The following SMIM35 variants were observed in gnomAD, a reference collection of about 807,000 sequenced individuals.
SMIM35 encodes the protein TMPRSS4 antisense RNA 1 (non-protein coding).
At chr11:118,065,477 CCTTCCGTCGCTGGCCAA>C (rs1333722954) in intron 1 of SMIM35, among the ~76,000 whole-genome samples, 2 of 152,234 alleles carry the variant, frequency 1.3e-5, no homozygotes, top group African/African-American at 4.8e-5. Context: ...AACTTTCACA[CCTTCCGTCGCTGGCCAA>C]CTTTTCTTTT....
rs555737250 is a variant in SMIM35, at chr11:118,043,724, C to T, written c.8-27915G>A. Among the ~76,000 whole-genome samples the T allele has an allele frequency of 1.7e-3, 261 of 151,264 alleles. 1 individual carries two copies. The highest frequency in any genetic ancestry group is 1.0e-3 in the Non-Finnish European group (70 of 67,820). On this transcript the variant is annotated intron_variant, in intron 1 of 4. Transcript: ENST00000689828. Reference sequence around the variant, plus strand: ...ACTCGGGAGGCTGAGGCAGGAGAATCGCTTGAACCCGGGAGGTGGAGTGAG... The same window carrying T: ...ACTCGGGAGGCTGAGGCAGGAGAATTGCTTGAACCCGGGAGGTGGAGTGAG...
Position 118,044,315 on chromosome 11 carries a change from GAAAA to G in SMIM35, c.8-28510_8-28507del, listed in dbSNP as rs34422344. ...AGTCACTGAGAAGTCTGGCAGAATT[GAAAA>G]AAAAAAAAAAAAAATGCAGCCGTGA... On this transcript the variant is annotated intron_variant, in intron 1 of 4. Coordinates refer to ENST00000689828, the MANE Select transcript of SMIM35 (RefSeq NM_001394165.1). Among the ~76,000 whole-genome samples the G allele has an allele frequency of 1.6e-3, 210 of 134,528 alleles. 1 individual carries two copies. The East Asian group carries it at 0.021, about 13-fold the overall frequency. The allele number at this position is 134,528 out of a possible 152,430, so 88.3% of individuals were successfully genotyped here. A position where few individuals can be genotyped will look rare whatever the true frequency, so the allele number is the denominator to read the frequency against.
intron 4 of SMIM35, among the ~76,000 whole-genome samples, chr11:118,011,036 AG>A (rs769191057): frequency 6.6e-6 from 1 of 152,246 alleles, no homozygotes; most frequent in Non-Finnish European, 1.5e-5. Context: ...TCCAGGGGTA[AG>A]GCCCAGGCCC....
intron 1 of SMIM35, chr11:118,059,151 G>A (rs1944359762): frequency 6.6e-6 from 1 of 152,376 alleles, no homozygotes; most frequent in African/African-American, 2.4e-5. Context: ...CAGAGTGTGT[G>A]ATTGAGAACA....
At chr11:118,084,435 C>T (rs12270246) in intron 1 of SMIM35, among the ~76,000 whole-genome samples, 2,171 of 152,312 alleles carry the variant, frequency 0.014, 42 homozygotes, top group African/African-American at 0.048. Flanking sequence ...CACTGAAGCA[C>T]TATTAAAGCA....
At chr11:118,077,382 C>G in intron 1 of SMIM35, 1 of 1,473,616 alleles carries the variant, frequency 6.8e-7, no homozygotes, top group Admixed American at 2.3e-5. Flanking sequence ...GCAGCCTGAG[C>G]ATCCATCAGC....
chr11:118,024,776 AC>A (rs2058260345), intron 1 of SMIM35, among the ~76,000 whole-genome samples: 1 of 152,192 alleles, frequency 6.6e-6, no homozygotes, highest in South Asian at 2.1e-4. Flanking sequence ...CCCAGCCTCA[AC>A]TTTTATTTTA....
intron 1 of SMIM35, among the ~76,000 whole-genome samples, chr11:118,057,566 C>T (rs1180588547): frequency 6.6e-6 from 1 of 152,162 alleles, no homozygotes; most frequent in Non-Finnish European, 1.5e-5. Flanking sequence ...AAGGACTTTT[C>T]AGCACCCAGG....
intron 1 of SMIM35, among the ~76,000 whole-genome samples, chr11:118,023,371 T>C (rs991201527): frequency 2.0e-5 from 3 of 152,134 alleles, no homozygotes; most frequent in African/African-American, 7.2e-5. Context: ...ATTATTATTA[T>C]ACTTTAAGTT....
At chr11:118,016,834 C>G (rs976155526) in intron 1 of SMIM35, among the ~76,000 whole-genome samples, 2 of 152,158 alleles carry the variant, frequency 1.3e-5, no homozygotes, top group African/African-American at 4.8e-5. Flanking sequence ...ACACTAAATG[C>G]TCAATAGATG....
At chr11:118,008,519 C>T (rs1305376518) in intron 4 of SMIM35, among the ~76,000 whole-genome samples, 1 of 152,224 alleles carries the variant, frequency 6.6e-6, no homozygotes, top group African/African-American at 2.4e-5. Flanking sequence ...GCTCCCTCTT[C>T]ACCTGCCAGC....
At chr11:118,029,309 A>G (rs1447752422) in intron 1 of SMIM35, among the ~76,000 whole-genome samples, 2 of 152,246 alleles carry the variant, frequency 1.3e-5, no homozygotes, top group African/African-American at 4.8e-5. Context: ...TACAAAAAGT[A>G]GCTAGGCATG....
intron 1 of SMIM35, among the ~76,000 whole-genome samples, chr11:118,042,888 A>T (rs1379814158): frequency 1.3e-5 from 2 of 152,240 alleles, no homozygotes; most frequent in Non-Finnish European, 2.9e-5. Context: ...TACCAGTAGA[A>T]TTTTTTAAAT....
chr11:118,080,234 G>T (rs964121210), intron 1 of SMIM35, among the ~76,000 whole-genome samples: 3 of 152,224 alleles, frequency 2.0e-5, no homozygotes, highest in African/African-American at 4.8e-5. Flanking sequence ...TCCTGGAAGA[G>T]AAACTATTTG....
At chr11:118,007,277 A>G (rs1212197226) in intron 4 of SMIM35, among the ~76,000 whole-genome samples, 4 of 152,270 alleles carry the variant, frequency 2.6e-5, no homozygotes, top group Non-Finnish European at 5.9e-5. Flanking sequence ...CCCAGCTGGA[A>G]GGGACCTCAG....
intron 1 of SMIM35, among the ~76,000 whole-genome samples, chr11:118,046,215 C>A (rs1450059218): frequency 1.3e-5 from 2 of 152,192 alleles, no homozygotes; most frequent in Non-Finnish European, 2.9e-5. Context: ...TGCCTTTGAT[C>A]TCTAATGCAA....
intron 1 of SMIM35, among the ~76,000 whole-genome samples, chr11:118,029,227 C>T (rs1342393483): frequency 2.0e-5 from 3 of 152,060 alleles, no homozygotes; most frequent in Non-Finnish European, 4.4e-5. Flanking sequence ...TTTGGGAGGC[C>T]GAGGCAGGCG....
chr11:118,039,253 A>G (rs532133586), intron 1 of SMIM35, among the ~76,000 whole-genome samples: 13 of 152,354 alleles, frequency 8.5e-5, no homozygotes, highest in Non-Finnish European at 1.9e-4. Context: ...AATACATGGA[A>G]TAAGTACCAA....
intron 1 of SMIM35, among the ~76,000 whole-genome samples, chr11:118,074,469 G>A (rs969498019): frequency 6.6e-5 from 10 of 152,106 alleles, no homozygotes; most frequent in African/African-American, 1.4e-4. Flanking sequence ...GTTCTGGGCC[G>A]GGTGCGGTGG....
Sources: allele counts gnomAD v4.1 joint callset (sites outside exome capture counted in the v4.1 genomes callset), GRCh38; gene constraint gnomAD v4.1.1; transcripts MANE v1.5; gene names NCBI Gene and HGNC (gene_info 2026-07-23, HGNC 2026-07-21).